SLC13A3: variants seen among roughly 807,000 people sequenced by gnomAD.
The protein encoded by SLC13A3 is solute carrier family 13 member 3.
Under a neutral mutation model 59.0 loss-of-function variants are expected in SLC13A3, and 40 were observed. The observed-to-expected ratio is 0.68, with a 90% CI of 0.53 to 0.88. SLC13A3 has a LOEUF of 0.88. Among genes scored for constraint, SLC13A3 ranks in the 40% least tolerant of loss-of-function variants. The probability of loss-of-function intolerance (pLI) is 0.00; values close to 1 mark genes in which losing one functional copy is unlikely to be tolerated. For missense variants in SLC13A3, 699 were observed against 783.2 expected (o/e 0.89, Z 1.28); for synonymous variants, 317 against 330.3 (o/e 0.96, Z 0.44).
chr20:46,683,203 G>A (rs2063161914), intron 1 of SLC13A3, among the ~76,000 whole-genome samples: 1 of 152,116 alleles, frequency 6.6e-6, no homozygotes, highest in African/African-American at 2.4e-5. Context: ...AGTCCTCGGC[G>A]GAATTTCCCT....
At chr20:46,582,942 T>A (rs887348834) in intron 9 of SLC13A3, 8 of 985,252 alleles carry the variant, frequency 8.1e-6, no homozygotes, top group East Asian at 1.1e-4. Flanking sequence ...AGTGATTTTT[T>A]AAAAATGGAA....
chr20:46,566,188 T>C (rs761377025), intron 11 of SLC13A3, 41 bp downstream of exon 11: 4 of 1,567,330 alleles, frequency 2.6e-6, no homozygotes, highest in Non-Finnish European at 3.5e-6. Flanking sequence ...GAATGTGTGT[T>C]GGGGGAGGGG....
rs66526539 is a variant in SLC13A3, at chr20:46,568,401, CAAAAAAAAA to C, written c.1333-2020_1333-2012del. ...TGACAGAGAGAGCGAGACTCCATCT[CAAAAAAAAA>C]AAAAAAAAAAAAAAAAATAGAATAG... On this transcript the variant is annotated intron_variant, in intron 10 of 12. Coordinates refer to ENST00000279027, the MANE Select transcript of SLC13A3 (RefSeq NM_022829.6). 6.4e-3 allele frequency among the ~76,000 whole-genome samples: 373 copies of C among 58,734 alleles called. 2 individuals carry two copies. The highest frequency in any genetic ancestry group is 0.018 in the African/African-American group (353 of 19,450). 38.5% of individuals were successfully genotyped at this position (58,734 alleles called of 152,430 possible). A position where few individuals can be genotyped will look rare whatever the true frequency, so the allele number is the denominator to read the frequency against.
chr20:46,565,979 A>C (rs1277117626), intron 11 of SLC13A3, among the ~76,000 whole-genome samples: 4 of 152,206 alleles, frequency 2.6e-5, no homozygotes, highest in Non-Finnish European at 2.9e-5. Context: ...AAAACTCTCC[A>C]TGTCACCATG....
intron 9 of SLC13A3, among the ~76,000 whole-genome samples, chr20:46,577,536 T>C (rs2062091634): frequency 6.7e-6 from 1 of 150,028 alleles, no homozygotes; most frequent in Non-Finnish European, 1.5e-5. Context: ...TGGATGGGAC[T>C]GGGGAAGGAA....
At chr20:46,659,723 C>T (rs117565381) in intron 1 of SLC13A3, among the ~76,000 whole-genome samples, 2 of 120,996 alleles carry the variant, frequency 1.7e-5, no homozygotes, top group Non-Finnish European at 3.6e-5. Flanking sequence ...CCCCCCCCCC[C>T]AAAAAAAAAA....
chr20:46,573,834 A>G (rs1339076014), intron 10 of SLC13A3, among the ~76,000 whole-genome samples: 1 of 152,230 alleles, frequency 6.6e-6, no homozygotes, highest in African/African-American at 2.4e-5. Context: ...TACACAGTTA[A>G]CAGGCGTCCA....
At chr20:46,608,853 T>C in intron 3 of SLC13A3, 1 of 1,538,658 alleles carries the variant, frequency 6.5e-7, no homozygotes, top group Non-Finnish European at 8.8e-7. Flanking sequence ...CTGCCATCTA[T>C]CTCTCAAGAT....
At position 46,596,084 on chromosome 20, in the gene SLC13A3, G is replaced by C; in HGVS notation, c.794+73C>G. The C allele has an allele frequency of 2.9e-6, 4 of 1,400,366 alleles. No homozygotes were observed. The South Asian group carries it at 5.2e-5, about 18-fold the overall frequency. 86.7% of individuals were successfully genotyped at this position (1,400,366 alleles called of 1,614,324 possible). On this transcript the variant is annotated intron_variant, in intron 5 of 12. Transcript: ENST00000279027. ...AGAAGGCCCTCAATACACATTCCCT[G>C]GATGTTGAATGAAGGAGGGAAGAGG...
intron 10 of SLC13A3, among the ~76,000 whole-genome samples, chr20:46,575,065 C>T (rs2062061734): frequency 1.3e-5 from 2 of 151,978 alleles, no homozygotes; most frequent in African/African-American, 4.8e-5. Context: ...TGATTAAGCC[C>T]GGCAGGCTGA....
chr20:46,682,277 T>C (rs2063157213), intron 1 of SLC13A3: 2 of 152,256 alleles, frequency 1.3e-5, no homozygotes, highest in African/African-American at 4.8e-5. Context: ...GTCAGGAATA[T>C]GGTGGATTCT....
intron 1 of SLC13A3, among the ~76,000 whole-genome samples, chr20:46,620,343 T>G (rs937879172): frequency 3.3e-5 from 5 of 152,332 alleles, no homozygotes; most frequent in African/African-American, 7.2e-5. Context: ...AAACTATGCA[T>G]GGGTTTCAAA....
intron 3 of SLC13A3, among the ~76,000 whole-genome samples, chr20:46,607,300 C>CAGAT (rs2062445520): frequency 6.6e-6 from 1 of 152,174 alleles, no homozygotes; most frequent in Admixed American, 6.5e-5. Flanking sequence ...GCTGGTGCTA[C>CAGAT]AGATGTCCTT....
chr20:46,632,880 G>GATAT (rs1297338261), intron 1 of SLC13A3, among the ~76,000 whole-genome samples: 1 of 23,806 alleles, frequency 4.2e-5, no homozygotes. Flanking sequence ...TAGATAGATA[G>GATAT]ATAGATAGAT....
intron 1 of SLC13A3, among the ~76,000 whole-genome samples, chr20:46,649,530 A>C (rs1004571): frequency 6.6e-6 from 1 of 152,000 alleles, no homozygotes. Context: ...TCTTCTTGCC[A>C]GAGAGCTCTG....
chr20:46,600,313 G>GGGAAGGAAGGAAAGGAA lies in SLC13A3; in HGVS notation c.542-293_542-277dup, dbSNP rs1555878122. 8.9e-5 allele frequency among the ~76,000 whole-genome samples: 11 copies of GGGAAGGAAGGAAAGGAA among 123,808 alleles called. No individual in the cohort carries two copies. In the East Asian group the frequency reaches 2.1e-3, roughly 24 times the overall value. The allele number at this position is 123,808 out of a possible 152,430, so 81.2% of individuals were successfully genotyped here. A position where few individuals can be genotyped will look rare whatever the true frequency, so the allele number is the denominator to read the frequency against. On this transcript the variant is annotated intron_variant, in intron 3 of 12. Transcript: ENST00000279027. ...AGGGAAAGAAAGAAAGAAAGAAAGA[G>GGGAAGGAAGGAAAGGAA]GGAAGGAAGGAAAGGAAGGAAGGAA...
In SLC13A3 at chr20:46,560,170, A is replaced by G. The variant is rs1370265411; in HGVS notation, c.1661T>C (p.Met554Thr). 4 of 1,614,206 alleles carry G rather than the reference A, an allele frequency of 2.5e-6. No individual in the cohort carries two copies. The highest frequency in any genetic ancestry group is 3.4e-6 in the Non-Finnish European group (4 of 1,180,032). ...AGCCAAACTGAGCAGCAGGACACCC[A>G]TCAGGTTCATCAGGAGGCCTGTCCG... ...MVRTGLLMNL[M>T]GVLLLSLAMN... Residue 554 changes from methionine (M) to threonine (T), a missense_variant, in exon 13 of 13, where the codon ATG (methionine) becomes ACG (threonine). Transcript: ENST00000279027.
intron 1 of SLC13A3, among the ~76,000 whole-genome samples, chr20:46,615,091 G>A (rs376368934): frequency 2.6e-5 from 4 of 152,148 alleles, no homozygotes; most frequent in African/African-American, 4.8e-5. Context: ...TGATGCATCC[G>A]TGTCCCACAG....
Position 46,596,232 on chromosome 20 carries a change from T to C in SLC13A3, c.719A>G (p.Tyr240Cys). 6.2e-7 allele frequency: 1 copy of C among 1,613,960 alleles called. No homozygotes were observed. The highest frequency in any genetic ancestry group is 8.5e-7 in the Non-Finnish European group (1 of 1,179,996). ...IWKGFLISIP[Y>C]SASIGGTATL... ...GGCTGTGCCCCCAATACTGGCTGAG[T>C]AGGGGATGGAGATGAGGAAGCCCTT... Residue 240 changes from tyrosine to cysteine, a missense_variant, in exon 5 of 13, where the codon TAC becomes TGC. Tyr to Cys is a radical substitution (Grantham distance 194). Transcript: ENST00000279027.
Sources: allele counts gnomAD v4.1 joint callset (sites outside exome capture counted in the v4.1 genomes callset), GRCh38; gene constraint gnomAD v4.1.1; transcripts MANE v1.5; gene names NCBI Gene and HGNC (gene_info 2026-07-23, HGNC 2026-07-21).